DUOXA1: variants seen among roughly 807,000 people sequenced by gnomAD.
DUOXA1 encodes the protein dual oxidase maturation factor 1, also known as dual oxidase activator 1.
Under a neutral mutation model 26.6 loss-of-function variants are expected in DUOXA1, and 19 were observed. The ratio of observed to expected loss-of-function variants is 0.71; its 90% CI spans 0.50 to 1.05. The LOEUF (loss-of-function observed/expected upper bound fraction) is 1.05. Among genes scored for constraint, DUOXA1 ranks in the 50% least tolerant of loss-of-function variants. DUOXA1 has a pLI of 0.00. For missense variants in DUOXA1, 403 were observed against 427.5 expected, an observed-to-expected ratio of 0.94 and a Z score of 0.51; for synonymous variants, 166 against 177.0, an observed-to-expected ratio of 0.94 and a Z score of 0.49.
At position 45,119,334 on chromosome 15, in the gene DUOXA1, C is replaced by T. The variant is rs747056739; in HGVS notation, c.804G>A (p.Met268Ile). The change falls in exon 9 of 9, where the codon ATG (methionine) becomes ATA (isoleucine). Residue 268 changes from methionine to isoleucine, a missense_variant. Transcript: ENST00000560572. ...GLLCVLLGLA[M>I]AVAHRMQPHR... ...GAGGCTGCATCCTGTGGGCCACCGC[C>T]ATAGCCAGGCCCAGCAGCACACACA... 3 of 1,613,406 alleles carry T rather than the reference C, an allele frequency of 1.9e-6. No individual in the cohort carries two copies.
In DUOXA1 at chr15:45,129,769, G is replaced by T; in HGVS notation, c.-303+83C>A. On this transcript the variant is annotated intron_variant, in intron 1 of 8. Coordinates refer to ENST00000560572, the MANE Select transcript of DUOXA1 (RefSeq NM_001276266.2). This position sits in a 1 kb window ranked among gnomAD's most constrained non-coding sequence, Gnocchi z 4.1. ...TTGTGAAGGCGGACTTGCTTTTTTC[G>T]CCGTCCACACAACCGCACTAGCCGG... 1 of 152,282 alleles carries T rather than the reference G, an allele frequency of 6.6e-6. No individual in the cohort carries two copies. The highest frequency in any genetic ancestry group is 1.5e-5 in the Non-Finnish European group (1 of 68,044). 9.4% of individuals were successfully genotyped at this position (152,282 alleles called of 1,614,324 possible).
At chr15:45,122,532 T>G (rs1330736037) in intron 4 of DUOXA1, among the ~76,000 whole-genome samples, 1 of 151,014 alleles carries the variant, frequency 6.6e-6, no homozygotes, top group Non-Finnish European at 1.5e-5. Context: ...TAGCTGCAAC[T>G]ACAGATGCAC....
chr15:45,119,848 C>T (rs753887831), intron 8 of DUOXA1, among the ~76,000 whole-genome samples: 1 of 150,294 alleles, frequency 6.7e-6, no homozygotes, highest in East Asian at 2.0e-4. Flanking sequence ...ATTTTAGAAG[C>T]AGCTGGGTGA....
chr15:45,119,250 A>C lies in DUOXA1; in HGVS notation c.888T>G (p.Ser296Arg). 2 of 1,613,690 alleles carry C rather than the reference A, an allele frequency of 1.2e-6. No homozygotes were observed. The highest frequency in any genetic ancestry group is 1.7e-6 in the Non-Finnish European group (2 of 1,179,926). ...SVDEDPMLEW[S>R]PEEGGLLSPR... ...GGCTCAGGAGTCCACCTTCCTCAGG[A>C]CTCCACTCCAGCATGGGGTCTTCAT... is the stretch of plus-strand genomic sequence containing the variant. Residue 296 changes from serine to arginine, a missense_variant, in exon 9 of 9, where the codon AGT becomes AGG. Transcript: ENST00000560572.
chr15:45,124,272 G>A (rs1053333575), intron 3 of DUOXA1, among the ~76,000 whole-genome samples: 15 of 152,140 alleles, frequency 9.9e-5, no homozygotes, highest in African/African-American at 3.6e-4. Context: ...CAGACATCCA[G>A]TTTTATTAAA....
At chr15:45,123,079 C>A in intron 3 of DUOXA1, 36 bp from the exon 4 acceptor site, 1 of 1,524,174 alleles carries the variant, frequency 6.6e-7, no homozygotes, top group South Asian at 1.3e-5. Context: ...TGCATGCCCT[C>A]AATGTACCTG....
In DUOXA1 at chr15:45,129,826, C is replaced by A. The variant is rs1896026989; in HGVS notation, c.-303+26G>T. The A allele has an allele frequency of 6.6e-6, 1 of 152,286 alleles. No individual in the cohort carries two copies. Among genetic ancestry groups the A allele is most frequent in the East Asian group, 1.9e-4 (1 of 5,180 alleles). 9.4% of individuals were successfully genotyped at this position (152,286 alleles called of 1,614,324 possible). ...GGCACCGACGGAACATCTCTACCTG[C>A]GCCCCGGGAGCCCTCGCCGTCTCAC... is the stretch of plus-strand genomic sequence containing the variant. On this transcript the variant is annotated intron_variant, in intron 1 of 8. Coordinates refer to ENST00000560572, the MANE Select transcript of DUOXA1 (RefSeq NM_001276266.2). The surrounding 1 kb of genome is among the most constrained non-coding windows in gnomAD (Gnocchi z 4.1).
In DUOXA1 at chr15:45,117,414, C is replaced by G. The variant is rs1894709721; in HGVS notation, c.*1692G>C. ...AATTCACATCTATTACCCTATTTGC[C>G]CCTCTCAATAGTTCGCAGAAACAGG... is the stretch of plus-strand genomic sequence containing the variant. On this transcript the variant is annotated 3_prime_UTR_variant, in exon 9 of 9. Coordinates refer to ENST00000560572, the MANE Select transcript of DUOXA1 (RefSeq NM_001276266.2). 1 of 1,512,656 alleles carries G rather than the reference C, an allele frequency of 6.6e-7. No individual in the cohort carries two copies. Among genetic ancestry groups the G allele is most frequent in the Admixed American group, 2.1e-5 (1 of 48,336 alleles). The allele number at this position is 1,512,656 out of a possible 1,614,324, so 93.7% of individuals were successfully genotyped here. A position where few individuals can be genotyped will look rare whatever the true frequency, so the allele number is the denominator to read the frequency against.
rs768088968 is a variant in DUOXA1, at chr15:45,119,191, G to A, written c.947C>T (p.Ser316Phe). 6.2e-7 allele frequency: 1 copy of A among 1,613,986 alleles called. No individual in the cohort carries two copies. Among genetic ancestry groups the A allele is most frequent in the Non-Finnish European group, 8.5e-7 (1 of 1,179,872 alleles). The change falls in exon 9 of 9, where the codon TCC becomes TTC. Residue 316 changes from serine (S) to phenylalanine (F), a missense_variant. By Grantham distance (155) the Ser-to-Phe change is radical. Transcript: ENST00000560572. ...RYRSMADSPK[S>F]QDIPLSEASS... is the part of the protein sequence containing the mutation. ...AGCCTCTGACAGGGGAATGTCCTGGGACTTGGGACTGTCAGCCATGGACCG... is the reference window on the plus strand; with the variant it reads ...AGCCTCTGACAGGGGAATGTCCTGGAACTTGGGACTGTCAGCCATGGACCG...
intron 3 of DUOXA1, among the ~76,000 whole-genome samples, chr15:45,124,557 T>G (rs1030972397): frequency 4.6e-5 from 7 of 152,204 alleles, no homozygotes; most frequent in African/African-American, 1.7e-4. Flanking sequence ...TCACCCAGGC[T>G]GGAGTGCAGT....
At chr15:45,122,364 CAG>C in intron 4 of DUOXA1, 122 bp from the exon 5 acceptor site, 1 of 925,940 alleles carries the variant, frequency 1.1e-6, no homozygotes, top group East Asian at 2.7e-5. Context: ...CAATTGAAAT[CAG>C]AGTGTCTGGC....
intron 8 of DUOXA1, among the ~76,000 whole-genome samples, 197 bp downstream of exon 8, chr15:45,119,906 A>T (rs187029122): frequency 4.6e-5 from 7 of 151,724 alleles, no homozygotes. Context: ...GGGAGTGGGC[A>T]TCTCTGAGGA....
intron 3 of DUOXA1, among the ~76,000 whole-genome samples, chr15:45,128,245 C>T (rs543067477): frequency 6.6e-6 from 1 of 152,324 alleles, no homozygotes; most frequent in Admixed American, 6.5e-5. Flanking sequence ...GAACAACCTC[C>T]AGCCTTCTTC....
chr15:45,125,931 C>T (rs1232809731), intron 3 of DUOXA1, among the ~76,000 whole-genome samples: 2 of 152,200 alleles, frequency 1.3e-5, no homozygotes, highest in African/African-American at 4.8e-5. Context: ...ACCCTGTGGA[C>T]ATTTTCACTT....
At chr15:45,126,946 T>G (rs72724251) in intron 3 of DUOXA1, among the ~76,000 whole-genome samples, 3,019 of 152,350 alleles carry the variant, frequency 0.02, 46 homozygotes, top group Non-Finnish European at 0.026. Context: ...TGAATTTTCA[T>G]GTTTAATTGA....
intron 8 of DUOXA1, 136 bp downstream of exon 8, chr15:45,119,967 G>C (rs1895011933): frequency 1.1e-6 from 1 of 912,350 alleles, no homozygotes; most frequent in Non-Finnish European, 1.7e-6. Flanking sequence ...AGAGATACAA[G>C]AGGGTGGGAC....
rs996726339 is a variant in DUOXA1 at position 45,120,946 on chromosome 15, C to T, written c.340+141G>A. The T allele has an allele frequency of 3.3e-6, 5 of 1,508,808 alleles. No individual in the cohort carries two copies. In the South Asian group the frequency reaches 5.0e-5, roughly 15 times the overall value. The allele number at this position is 1,508,808 out of a possible 1,614,324, so 93.5% of individuals were successfully genotyped here. ...GCTTCCAAGGCCCTGAATTTCCCTT[C>T]CTACCATGCCTCTGACCTCCCACCT... On this transcript the variant is annotated intron_variant, in intron 6 of 8. Transcript: ENST00000560572.
At chr15:45,124,963 T>C (rs553158846) in intron 3 of DUOXA1, among the ~76,000 whole-genome samples, 7 of 152,142 alleles carry the variant, frequency 4.6e-5, no homozygotes, top group East Asian at 1.9e-4. Context: ...AATCCCCAGG[T>C]CCCTTTTAGT....
At chr15:45,124,702 G>A (rs952790373) in intron 3 of DUOXA1, among the ~76,000 whole-genome samples, 4 of 152,010 alleles carry the variant, frequency 2.6e-5, no homozygotes, top group South Asian at 2.1e-4. Context: ...TAGCAGAGAC[G>A]GGATTTCACC....
Sources: gnomAD v4.1 joint callset for allele counts (sites outside exome capture counted in the v4.1 genomes callset) on GRCh38, gnomAD v4.1.1 for gene constraint, Gnocchi (gnomAD v3.1) non-coding constraint, MANE v1.5 for transcripts, NCBI Gene and HGNC (gene_info 2026-07-23, HGNC 2026-07-21) for gene names.